Variants in DAB1 observed in about 807,000 individuals in gnomAD.
DAB1 encodes DAB adaptor protein 1, also known as disabled homolog 1.
Under a neutral mutation model 64.6 loss-of-function variants are expected in DAB1, and 15 were observed. That is an observed-to-expected ratio of 0.23 (90% CI 0.16 to 0.36). The LOEUF is 0.36. DAB1 is among the 10% of genes least tolerant of loss of function. DAB1 has a pLI of 1.00. For missense variants in DAB1, 596 were observed against 706.7 expected (o/e 0.84, Z 1.78); for synonymous variants, 235 against 251.9 (o/e 0.93, Z 0.64).
Position 58,257,978 on chromosome 1 carries a change from T to C in DAB1, n.309+85374A>G, listed in dbSNP as rs367726793. Among the ~76,000 whole-genome samples the C allele has an allele frequency of 1.1e-4, 17 of 152,222 alleles. No homozygotes were observed. The East Asian group carries it at 1.5e-3, about 14-fold the overall frequency. ...GATGTTTAGTTGGTGCCAGGGAAGATGAAGACTTGCTTATTTGGATTTTAA... is the reference window on the plus strand; with the variant it reads ...GATGTTTAGTTGGTGCCAGGGAAGACGAAGACTTGCTTATTTGGATTTTAA... On this transcript the variant is annotated intron_variant and non_coding_transcript_variant, in intron 4 of 20. Coordinates refer to the DAB1 transcript ENST00000485760.
rs1190219580 is a variant in DAB1, at chr1:58,127,766, T to C, written n.387+22745A>G. 7.3e-5 allele frequency among the ~76,000 whole-genome samples: 11 copies of C among 151,580 alleles called. No homozygotes were observed. The South Asian group carries it at 2.3e-3, about 32-fold the overall frequency. ...CTCAGGTTTGTCAAAGATCACATAG[T>C]TGTAGATATGCGGTGTTATTTCTGA... is the stretch of plus-strand genomic sequence containing the variant. On this transcript the variant is annotated intron_variant and non_coding_transcript_variant, in intron 5 of 20. Coordinates refer to the DAB1 transcript ENST00000485760.
intron 5 of DAB1, among the ~76,000 whole-genome samples, chr1:57,929,765 C>T (rs1644929596): frequency 6.6e-6 from 1 of 152,126 alleles, no homozygotes; most frequent in Non-Finnish European, 1.5e-5. Flanking sequence ...GGGATCATGC[C>T]TGATGCACAC....
At chr1:58,064,855 A>T (rs550188240) in intron 5 of DAB1, among the ~76,000 whole-genome samples, 2 of 152,068 alleles carry the variant, frequency 1.3e-5, no homozygotes, top group East Asian at 1.9e-4. Flanking sequence ...TCCGAGTAGC[A>T]GGGACTACAG....
At chr1:57,678,768 G>GTT (rs1020869562) in intron 6 of DAB1, among the ~76,000 whole-genome samples, 4 of 141,590 alleles carry the variant, frequency 2.8e-5, no homozygotes, top group East Asian at 2.1e-4. Context: ...ACTGTTTTTT[G>GTT]TTTTTTTTTT....
At chr1:57,703,116 G>A (rs1349619783) in intron 6 of DAB1, among the ~76,000 whole-genome samples, 3 of 152,040 alleles carry the variant, frequency 2.0e-5, no homozygotes. Flanking sequence ...TACCATTCAG[G>A]ATATAGACAA....
At chr1:57,204,188 C>A (rs1234885157) in intron 2 of DAB1, among the ~76,000 whole-genome samples, 1 of 152,026 alleles carries the variant, frequency 6.6e-6, no homozygotes, top group Non-Finnish European at 1.5e-5. Context: ...CTGTGCCCGG[C>A]CTGGAGTAGT....
chr1:57,464,996 A>C (rs1686908634), intron 7 of DAB1, among the ~76,000 whole-genome samples: 1 of 152,262 alleles, frequency 6.6e-6, no homozygotes, highest in Admixed American at 6.5e-5. Flanking sequence ...AACGTTACAA[A>C]GCTCAAGAAA....
chr1:58,122,983 T>A (rs1461379032), intron 5 of DAB1, among the ~76,000 whole-genome samples: 1 of 152,110 alleles, frequency 6.6e-6, no homozygotes, highest in African/African-American at 2.4e-5. Flanking sequence ...GTGGCAGAAG[T>A]GAGAAAGTCC....
intron 6 of DAB1, among the ~76,000 whole-genome samples, chr1:57,680,303 G>C (rs1323368239): frequency 6.6e-6 from 1 of 152,204 alleles, no homozygotes; most frequent in Non-Finnish European, 1.5e-5. Flanking sequence ...TTCTACTGCT[G>C]TTATAACAAA....
At chr1:57,303,103 A>G (rs921097397) in intron 1 of DAB1, among the ~76,000 whole-genome samples, 1 of 152,170 alleles carries the variant, frequency 6.6e-6, no homozygotes, top group African/African-American at 2.4e-5. Flanking sequence ...AGATAATGAA[A>G]ACTGGGGCTT....
At chr1:57,820,170 G>T (rs935296035) in intron 6 of DAB1, among the ~76,000 whole-genome samples, 2 of 152,178 alleles carry the variant, frequency 1.3e-5, no homozygotes, top group African/African-American at 4.8e-5. Context: ...TGATGCTCGG[G>T]CCCAAAGACT....
At chr1:57,640,498 C>T (rs1341626035) in intron 7 of DAB1, among the ~76,000 whole-genome samples, 2 of 151,988 alleles carry the variant, frequency 1.3e-5, no homozygotes, top group Non-Finnish European at 2.9e-5. Context: ...GAAACCAAGC[C>T]CACACAGCTA....
At chr1:58,121,095 C>A (rs1652708870) in intron 5 of DAB1, among the ~76,000 whole-genome samples, 2 of 152,100 alleles carry the variant, frequency 1.3e-5, no homozygotes, top group Admixed American at 6.6e-5. Context: ...TGACTTGACA[C>A]AAGTAGGAAA....
chr1:57,823,595 T>C (rs573069976), downstream of DAB1, among the ~76,000 whole-genome samples: 299 of 152,154 alleles, frequency 2.0e-3, 12 homozygotes, highest in South Asian at 0.061. Context: ...CAGGTGTGAG[T>C]ACATAATTCA....
At chr1:57,927,502 C>A (rs930789478) in intron 5 of DAB1, among the ~76,000 whole-genome samples, 4 of 152,098 alleles carry the variant, frequency 2.6e-5, no homozygotes, top group African/African-American at 9.7e-5. Flanking sequence ...CAGAGCAAGA[C>A]TCTGTCTCAA....
chr1:57,108,521 T>C (rs1429366956), intron 4 of DAB1, among the ~76,000 whole-genome samples: 1 of 152,212 alleles, frequency 6.6e-6, no homozygotes, highest in Admixed American at 6.5e-5. Flanking sequence ...CCACCATTCA[T>C]TACTCTTTTA....
intron 5 of DAB1, among the ~76,000 whole-genome samples, chr1:57,935,961 C>A (rs1324196735): frequency 7.9e-5 from 12 of 152,230 alleles, no homozygotes; most frequent in Admixed American, 7.2e-4. Flanking sequence ...GCTCAATTGT[C>A]AGATGACCTG....
chr1:57,795,043 T>G (rs1240918569), intron 6 of DAB1, among the ~76,000 whole-genome samples: 1 of 152,210 alleles, frequency 6.6e-6, no homozygotes, highest in African/African-American at 2.4e-5. Flanking sequence ...TAATGGTCAA[T>G]GGAATGACCC....
chr1:57,201,898 G>A (rs988716599), intron 2 of DAB1, among the ~76,000 whole-genome samples: 2 of 152,072 alleles, frequency 1.3e-5, no homozygotes, highest in Admixed American at 1.3e-4. Flanking sequence ...ATGCATGCAT[G>A]TATGCATGAA....
Sources: gnomAD v4.1 joint callset for allele counts (sites outside exome capture counted in the v4.1 genomes callset) on GRCh38, gnomAD v4.1.1 for gene constraint, MANE v1.5 for transcripts, NCBI Gene and HGNC (gene_info 2026-07-23, HGNC 2026-07-21) for gene names.